Variants in LSM14A observed in about 807,000 individuals in gnomAD.
The protein encoded by LSM14A is LSM14A mRNA processing body assembly factor.
Under a neutral mutation model 52.4 loss-of-function variants are expected in LSM14A, and 14 were observed. The observed-to-expected ratio is 0.27, with a 90% CI of 0.18 to 0.42. The LOEUF is 0.42. Ranked by LOEUF, LSM14A falls within the 10% of genes least tolerant of loss-of-function variation. The probability of loss-of-function intolerance (pLI) is 1.00; values close to 1 mark genes in which losing one functional copy is unlikely to be tolerated. For synonymous variants in LSM14A, 185 were observed against 200.3 expected (o/e 0.92, Z 0.64); for missense variants, 417 against 581.8 (o/e 0.72, Z 2.91).
At chr19:34,225,433 C>G (rs577971) in intron 9 of LSM14A, among the ~76,000 whole-genome samples, 53,124 of 152,062 alleles carry the variant, frequency 0.35, 9,730 homozygotes, top group African/African-American at 0.4. Flanking sequence ...TCTGAAACAT[C>G]TAACACTTCC....
intron 9 of LSM14A, among the ~76,000 whole-genome samples, chr19:34,226,872 C>A (rs1380989137): frequency 6.6e-6 from 1 of 152,124 alleles, no homozygotes; most frequent in African/African-American, 2.4e-5. Context: ...TAAGAGTTAT[C>A]CTTGTAAAAT....
At chr19:34,211,590 C>G (rs1459833129) in intron 4 of LSM14A, among the ~76,000 whole-genome samples, 1 of 148,980 alleles carries the variant, frequency 6.7e-6, no homozygotes, top group Non-Finnish European at 1.5e-5. Context: ...AGTTTGAGAC[C>G]AGCCTGAGCA....
At chr19:34,196,579 TC>T in intron 2 of LSM14A, 54 bp from the exon 3 acceptor site, 3 of 1,495,682 alleles carry the variant, frequency 2.0e-6, no homozygotes, top group Non-Finnish European at 2.7e-6. Context: ...ATTTTTTTTT[TC>T]GTTATATACA....
At chr19:34,220,851 C>T (rs981423908) in intron 8 of LSM14A, among the ~76,000 whole-genome samples, 1 of 152,140 alleles carries the variant, frequency 6.6e-6, no homozygotes, top group African/African-American at 2.4e-5. Context: ...AAGACAAGGC[C>T]TCCCTGTCTG....
chr19:34,224,102 G>A (rs2073211964), intron 9 of LSM14A, among the ~76,000 whole-genome samples: 1 of 152,112 alleles, frequency 6.6e-6, no homozygotes. Context: ...GCTGAGGTGG[G>A]CGGATCACCT....
At chr19:34,179,718 G>T (rs1599657968) in intron 1 of LSM14A, among the ~76,000 whole-genome samples, 2 of 152,194 alleles carry the variant, frequency 1.3e-5, no homozygotes, top group East Asian at 3.9e-4. Flanking sequence ...GAAGAAAAAA[G>T]AAATCTTATC....
chr19:34,192,319 G>GTTGTTTTTTTTTTTTT (rs60512063), intron 1 of LSM14A, among the ~76,000 whole-genome samples: 2 of 53,406 alleles, frequency 3.7e-5, no homozygotes, highest in African/African-American at 1.6e-4. Flanking sequence ...TCTTTTTGTT[G>GTTGTTTTTTTTTTTTT]TTTTTTTTTT....
At chr19:34,219,594 T>C in intron 7 of LSM14A, 21 bp downstream of exon 7, 3 of 1,594,660 alleles carry the variant, frequency 1.9e-6, no homozygotes, top group Non-Finnish European at 2.6e-6. Context: ...ATTTTTCTTT[T>C]CAGAAAATAA....
At chr19:34,192,555 C>G (rs1315820769) in intron 1 of LSM14A, among the ~76,000 whole-genome samples, 1 of 139,932 alleles carries the variant, frequency 7.1e-6, no homozygotes, top group Non-Finnish European at 1.5e-5. Context: ...GTGTCAAACT[C>G]CTGACCTCAA....
chr19:34,188,712 G>A (rs1028928287), intron 1 of LSM14A, among the ~76,000 whole-genome samples: 14 of 152,038 alleles, frequency 9.2e-5, no homozygotes, highest in East Asian at 5.8e-4. Context: ...ACTGTGTGAC[G>A]TTTTGTGTCT....
At chr19:34,226,545 C>A in intron 9 of LSM14A, 4 of 1,155,994 alleles carry the variant, frequency 3.5e-6, no homozygotes, top group Non-Finnish European at 4.8e-6. Context: ...TCATTGCTGT[C>A]AACTTATGCC....
intron 1 of LSM14A, among the ~76,000 whole-genome samples, chr19:34,192,310 C>CTTTTTTT (rs1568479681): frequency 3.1e-4 from 16 of 51,638 alleles, no homozygotes; most frequent in Non-Finnish European, 5.0e-4. Context: ...AAATAACATT[C>CTTTTTTT]TTTTTGTTGT....
intron 1 of LSM14A, among the ~76,000 whole-genome samples, chr19:34,187,668 C>T (rs1237970977): frequency 1.3e-5 from 2 of 152,052 alleles, no homozygotes; most frequent in Non-Finnish European, 2.9e-5. Flanking sequence ...GTTTATCATG[C>T]TTAAATTTAG....
chr19:34,192,310 C>CTTTTTTTTTTTTTTTTTTTT (rs1568479681), intron 1 of LSM14A, among the ~76,000 whole-genome samples: 3 of 51,666 alleles, frequency 5.8e-5, no homozygotes, highest in Non-Finnish European at 8.3e-5. Context: ...AAATAACATT[C>CTTTTTTTTTTTTTTTTTTTT]TTTTTGTTGT....
In LSM14A at chr19:34,205,487, C is replaced by CAA. The variant is rs140536208; in HGVS notation, c.416-3413_416-3412dup. 6.2e-3 allele frequency among the ~76,000 whole-genome samples: 586 copies of CAA among 95,050 alleles called. 17 individuals are homozygous for CAA. Among genetic ancestry groups the CAA allele is most frequent in the East Asian group, 0.019 (28 of 1,458 alleles). The allele number at this position is 95,050 out of a possible 152,430, so 62.4% of individuals were successfully genotyped here. ...GGCGACAGAACAAGACTCCATCTCA[C>CAA]AAAAAAAAAAAAAAAAAAAAAAAAA... On this transcript the variant is annotated intron_variant, in intron 3 of 9. Coordinates refer to ENST00000544216, the MANE Select transcript of LSM14A (RefSeq NM_015578.4).
rs2070472727 is a variant in LSM14A, at chr19:34,192,325, T to TTTTTTTTTG, written c.122-2145_122-2144insGTTTTTTTT. 3.4e-5 allele frequency among the ~76,000 whole-genome samples: 3 copies of TTTTTTTTTG among 88,510 alleles called. 1 individual carries two copies. Among genetic ancestry groups the TTTTTTTTTG allele is most frequent in the Non-Finnish European group, 2.1e-5 (1 of 47,708 alleles). 58.1% of individuals were successfully genotyped at this position (88,510 alleles called of 152,430 possible). ...AAATAACATTCTTTTTGTTGTTTTT[T>TTTTTTTTTG]TTTTTTTTTTTTTTTTTGGAGTCAG... is the stretch of plus-strand genomic sequence containing the variant. On this transcript the variant is annotated intron_variant, in intron 1 of 9. Transcript: ENST00000544216.
Position 34,175,784 on chromosome 19 carries a change from A to G in LSM14A, c.121+3021A>G, listed in dbSNP as rs370980330. Among the ~76,000 whole-genome samples the G allele has an allele frequency of 1.1e-4, 16 of 152,282 alleles. 1 individual carries two copies. The highest frequency in any genetic ancestry group is 3.8e-4 in the African/African-American group (16 of 41,572). ...TCGATATCAGAAAATTTCACCTTCC[A>G]TTTCAAAATTTGAACGAAGAATGGT... On this transcript the variant is annotated intron_variant, in intron 1 of 9. Transcript: ENST00000544216.
At chr19:34,225,272 A>C (rs1445004762) in intron 9 of LSM14A, among the ~76,000 whole-genome samples, 1 of 152,136 alleles carries the variant, frequency 6.6e-6, no homozygotes, top group East Asian at 1.9e-4. Context: ...CCAGAGTTGA[A>C]TAATCCTTTC....
chr19:34,200,466 T>TG (rs1043392399), intron 3 of LSM14A, among the ~76,000 whole-genome samples: 39 of 152,262 alleles, frequency 2.6e-4, no homozygotes, highest in African/African-American at 9.4e-4. Context: ...TGTTTTTGTT[T>TG]GGGGGAGGTG....
Sources: allele counts gnomAD v4.1 joint callset (sites outside exome capture counted in the v4.1 genomes callset), GRCh38; gene constraint gnomAD v4.1.1; transcripts MANE v1.5; gene names NCBI Gene and HGNC (gene_info 2026-07-23, HGNC 2026-07-21).